Variants in GPC5 observed in about 807,000 individuals in gnomAD.
GPC5 encodes glypican 5, also known as glypican-5.
A neutral mutation model predicts 53.9 loss-of-function variants in GPC5; 47 were observed. The observed-to-expected ratio is 0.87, with a 90% CI of 0.69 to 1.11. The LOEUF is 1.11. GPC5 is among the 50% of genes most tolerant of loss of function. The pLI is 0.00. For synonymous variants in GPC5, 286 were observed against 263.3 expected (o/e 1.09, Z -0.84); for missense variants, 748 against 713.1 (o/e 1.05, Z -0.56).
intron 2 of GPC5, among the ~76,000 whole-genome samples, chr13:91,492,585 T>C (rs1884000914): frequency 6.6e-6 from 1 of 152,232 alleles, no homozygotes; most frequent in African/African-American, 2.4e-5. Context: ...CTTGAGAGAC[T>C]GGATGATGCC....
At chr13:91,862,691 T>C (rs1051849974) in intron 5 of GPC5, among the ~76,000 whole-genome samples, 1 of 151,994 alleles carries the variant, frequency 6.6e-6, no homozygotes, top group African/African-American at 2.4e-5. Flanking sequence ...ACACACACAA[T>C]ACATGCACAG....
At chr13:92,372,008 C>G (rs1053355702) in intron 7 of GPC5, among the ~76,000 whole-genome samples, 4 of 152,176 alleles carry the variant, frequency 2.6e-5, no homozygotes, top group African/African-American at 9.7e-5. Flanking sequence ...TGACAGCCAG[C>G]AAGAAAACGG....
intron 7 of GPC5, among the ~76,000 whole-genome samples, chr13:92,322,290 CA>C (rs1371961048): frequency 6.6e-6 from 1 of 150,874 alleles, no homozygotes. Context: ...AAAAAGTTCA[CA>C]AACTGTGAGC....
intron 7 of GPC5, among the ~76,000 whole-genome samples, chr13:92,628,264 C>CTTTTTTTTTTT (rs71123419): frequency 0.013 from 610 of 45,334 alleles, 104 homozygotes; most frequent in Non-Finnish European, 0.015. Flanking sequence ...CTTTTTCTTT[C>CTTTTTTTTTTT]TTTTTTTTTT....
intron 7 of GPC5, among the ~76,000 whole-genome samples, chr13:92,737,995 C>T (rs1289224701): frequency 6.6e-6 from 1 of 151,696 alleles, no homozygotes; most frequent in African/African-American, 2.4e-5. Context: ...AACTCCTGAC[C>T]TCAGGTGATC....
At position 91,585,868 on chromosome 13, in the gene GPC5, C is replaced by A. The variant is rs538589486; in HGVS notation, c.326-107319C>A. Among the ~76,000 whole-genome samples, 16 of 151,932 alleles carry A rather than the reference C, an allele frequency of 1.1e-4. No homozygotes were observed. In the South Asian group the frequency reaches 3.1e-3, roughly 30 times the overall value. ...ATATTAACATGTGAAAAAGTAAAAA[C>A]CTGAGTTAAATTTTGAAAAAAGAAA... On this transcript the variant is annotated intron_variant, in intron 2 of 7. Transcript: ENST00000377067.
At chr13:92,332,737 G>A (rs1441135360) in intron 7 of GPC5, among the ~76,000 whole-genome samples, 1 of 152,126 alleles carries the variant, frequency 6.6e-6, no homozygotes, top group Non-Finnish European at 1.5e-5. Context: ...CAATAAAATA[G>A]CTATTCCCAA....
In GPC5 at chr13:92,414,428, C is replaced by T. The variant is rs552587410; in HGVS notation, c.1561+269439C>T. 6.6e-5 allele frequency among the ~76,000 whole-genome samples: 10 copies of T among 150,662 alleles called. No individual in the cohort carries two copies. The South Asian group carries it at 1.1e-3, about 16-fold the overall frequency. ...GCTGAGACAGGAGAATCACTTGAAC[C>T]GGAGAGGTGGAGGTTGCAGTGAGCC... On this transcript the variant is annotated intron_variant, in intron 7 of 7. Coordinates refer to ENST00000377067, the MANE Select transcript of GPC5 (RefSeq NM_004466.6).
chr13:91,439,001 A>T (rs2147194), intron 1 of GPC5, among the ~76,000 whole-genome samples: 100,479 of 152,146 alleles, frequency 0.66, 33,729 homozygotes, highest in African/African-American at 0.76. Context: ...TTTGCTCAGT[A>T]GGAAATGCAG....
In GPC5 at chr13:92,756,487, C is replaced by T. The variant is rs1418142853; in HGVS notation, c.1562-109795C>T. 1.3e-5 allele frequency among the ~76,000 whole-genome samples: 2 copies of T among 151,964 alleles called. 1 individual carries two copies. Among genetic ancestry groups the T allele is most frequent in the Non-Finnish European group, 2.9e-5 (2 of 68,016 alleles). On this transcript the variant is annotated intron_variant, in intron 7 of 7. Transcript: ENST00000377067. ...TGTTGGAAGTTCTGGCCAGGGCAAT[C>T]AGGCAGGAGAATGAAATAAAGGGTA...
intron 7 of GPC5, among the ~76,000 whole-genome samples, chr13:92,819,289 T>C (rs1877594647): frequency 6.6e-6 from 1 of 150,470 alleles, no homozygotes; most frequent in South Asian, 2.1e-4. Context: ...ATTTGACTTA[T>C]ATTACTTTCA....
At chr13:91,949,011 A>G (rs1381517587) in intron 6 of GPC5, among the ~76,000 whole-genome samples, 1 of 152,232 alleles carries the variant, frequency 6.6e-6, no homozygotes, top group African/African-American at 2.4e-5. Context: ...ACTTAGCTCC[A>G]TAAGAGCACA....
chr13:92,287,543 A>G (rs756669927), intron 7 of GPC5, among the ~76,000 whole-genome samples: 6 of 147,832 alleles, frequency 4.1e-5, no homozygotes, highest in South Asian at 2.4e-4. Flanking sequence ...TATTTGCTGC[A>G]TATATATTTC....
chr13:92,227,953 T>C (rs1167924339), intron 7 of GPC5, among the ~76,000 whole-genome samples: 10 of 152,196 alleles, frequency 6.6e-5, no homozygotes, highest in Admixed American at 5.2e-4. Context: ...ATGTATTATG[T>C]ATTGTATACT....
In GPC5 at chr13:92,349,324, T is replaced by C. The variant is rs547146156; in HGVS notation, c.1561+204335T>C. Among the ~76,000 whole-genome samples, 30 of 152,206 alleles carry C rather than the reference T, an allele frequency of 2.0e-4. No homozygotes were observed. In the South Asian group the frequency reaches 6.2e-3, roughly 32 times the overall value. On this transcript the variant is annotated intron_variant, in intron 7 of 7. Coordinates refer to ENST00000377067, the MANE Select transcript of GPC5 (RefSeq NM_004466.6). ...ACAGCTGGCTAATGTTTTATATTTTTAGTAGAGATAGGGTTTCTCCATGTT... is the reference window on the plus strand; with the variant it reads ...ACAGCTGGCTAATGTTTTATATTTTCAGTAGAGATAGGGTTTCTCCATGTT...
At chr13:92,374,869 G>GAA (rs560669472) in intron 7 of GPC5, among the ~76,000 whole-genome samples, 1 of 124,310 alleles carries the variant, frequency 8.0e-6, no homozygotes, top group Admixed American at 7.8e-5. Flanking sequence ...AAAAAAAATA[G>GAA]AAAAAAAAAA....
intron 7 of GPC5, among the ~76,000 whole-genome samples, chr13:92,348,465 G>A (rs900700183): frequency 1.1e-4 from 16 of 152,164 alleles, no homozygotes; most frequent in African/African-American, 2.6e-4. Flanking sequence ...GAGAGGGATT[G>A]CCATACAATA....
chr13:92,438,465 C>G (rs1055038600), intron 7 of GPC5, among the ~76,000 whole-genome samples: 15 of 151,170 alleles, frequency 9.9e-5, no homozygotes, highest in African/African-American at 3.6e-4. Flanking sequence ...TAGTTCTCAA[C>G]ATTTGCAGCA....
intron 2 of GPC5, among the ~76,000 whole-genome samples, chr13:91,570,055 A>G (rs1161071409): frequency 2.0e-5 from 3 of 152,226 alleles, no homozygotes; most frequent in Admixed American, 6.5e-5. Flanking sequence ...TTCGGAAAAA[A>G]TGATTAAACA....
Sources: allele counts gnomAD v4.1 joint callset (sites outside exome capture counted in the v4.1 genomes callset), GRCh38; gene constraint gnomAD v4.1.1; transcripts MANE v1.5; gene names NCBI Gene and HGNC (gene_info 2026-07-23, HGNC 2026-07-21).